Variants in ZNF611 observed in about 807,000 individuals in gnomAD.
ZNF611 encodes the protein zinc finger protein 611.
In ZNF611, 6 loss-of-function variants were observed where a neutral mutation model predicts 8.9. That is an observed-to-expected ratio of 0.68 (90% CI 0.37 to 1.34). ZNF611 has a LOEUF of 1.34. Among genes scored for constraint, ZNF611 ranks in the 40% most tolerant of loss-of-function variants. ZNF611 has a pLI of 0.02. For synonymous variants in ZNF611, 262 were observed against 279.7 expected, an observed-to-expected ratio of 0.94 and a Z score of 0.63; for missense variants, 874 against 841.3, an observed-to-expected ratio of 1.04 and a Z score of -0.48.
chr19:52,722,714 T>C (rs1177217046), intron 3 of ZNF611, among the ~76,000 whole-genome samples: 8 of 152,150 alleles, frequency 5.3e-5, no homozygotes, highest in African/African-American at 1.9e-4. Context: ...CACACACTCA[T>C]CTGTATCCAA....
At chr19:52,720,404 C>G (rs183431846) in intron 3 of ZNF611, among the ~76,000 whole-genome samples, 2 of 146,860 alleles carry the variant, frequency 1.4e-5, no homozygotes, top group South Asian at 4.2e-4. Context: ...CCAGATGGGG[C>G]GGCCGGGCAG....
intron 3 of ZNF611, among the ~76,000 whole-genome samples, chr19:52,726,405 TC>T (rs2062393679): frequency 6.6e-6 from 1 of 152,134 alleles, no homozygotes; most frequent in African/African-American, 2.4e-5. Context: ...GCGCTCTTTT[TC>T]TTTTCTTTCC....
Position 52,704,220 on chromosome 19 carries a change from A to G in ZNF611, c.*717T>C, listed in dbSNP as rs1315386844. The G allele has an allele frequency of 1.4e-5, 6 of 416,872 alleles. No individual in the cohort carries two copies. Among genetic ancestry groups the G allele is most frequent in the Non-Finnish European group, 2.9e-5 (6 of 206,612 alleles). The allele number at this position is 416,872 out of a possible 1,614,324, so 25.8% of individuals were successfully genotyped here. On this transcript the variant is annotated 3_prime_UTR_variant, in exon 6 of 6. Coordinates refer to ENST00000652185, the MANE Select transcript of ZNF611 (RefSeq NM_001161499.2). Reference sequence around the variant, plus strand: ...ACAAACTCAAGTCAATGCTGAATTGACTCCAATGTCAATTAATGCTTGATG... The same window carrying G: ...ACAAACTCAAGTCAATGCTGAATTGGCTCCAATGTCAATTAATGCTTGATG...
Position 52,705,473 on chromosome 19 carries a change from G to A in ZNF611, c.1582C>T (p.His528Tyr), listed in dbSNP as rs2147414690. 1.2e-6 allele frequency: 2 copies of A among 1,614,138 alleles called. No homozygotes were observed. The highest frequency in any genetic ancestry group is 1.7e-6 in the Non-Finnish European group (2 of 1,180,024). ...VFSRKSSLET[H>Y]KIGHTGEKPY... ...TTCTCTCCAGTATGACCTATCTTAT[G>A]TGTCTCAAGGCTTGATTTACGACTG... The change falls in exon 6 of 6, where the codon CAT becomes TAT. Residue 528 changes from histidine to tyrosine, a missense_variant. Transcript: ENST00000652185.
chr19:52,706,523 T>G lies in ZNF611; in HGVS notation c.532A>C (p.Asn178His), dbSNP rs769807879. Residue 178 changes from asparagine to histidine, a missense_variant, in exon 6 of 6, where the codon AAT becomes CAT. Asn to His is a moderately conservative substitution (Grantham distance 68, BLOSUM62 1). Coordinates refer to ENST00000652185, the MANE Select transcript of ZNF611 (RefSeq NM_001161499.2). The part of the protein sequence containing the change: ...HIFQIKGEIG[N>H]QLEKSTNDAP... ...TCATTAGTAGACTTCTCAAGTTGAT[T>G]ACCAATTTCACCTTTGATCTGAAAT... is the stretch of plus-strand genomic sequence containing the variant. 1.9e-6 allele frequency: 3 copies of G among 1,614,200 alleles called. No homozygotes were observed. The South Asian group carries it at 3.3e-5, about 18-fold the overall frequency.
At chr19:52,731,833 T>C (rs1366598143) in intron 1 of ZNF611, among the ~76,000 whole-genome samples, 1 of 151,700 alleles carries the variant, frequency 6.6e-6, no homozygotes, top group Non-Finnish European at 1.5e-5. Flanking sequence ...TAGCCGAGCG[T>C]GGTGGTGCAT....
chr19:52,733,242 A>G (rs1441274655), intron 1 of ZNF611, among the ~76,000 whole-genome samples: 3 of 152,204 alleles, frequency 2.0e-5, no homozygotes, highest in African/African-American at 7.2e-5. Context: ...ACAGAACTCA[A>G]CATGTCACAA....
chr19:52,713,888 T>C (rs1336736267), intron 5 of ZNF611, 127 bp downstream of exon 5: 23 of 1,534,006 alleles, frequency 1.5e-5, no homozygotes, highest in Admixed American at 2.1e-5. Context: ...CGAAACACCA[T>C]CTCAAAAACA....
In ZNF611 at chr19:52,703,728, A is replaced by C. The variant is rs1432077692; in HGVS notation, c.*1209T>G. On this transcript the variant is annotated 3_prime_UTR_variant, in exon 6 of 6. Coordinates refer to ENST00000652185, the MANE Select transcript of ZNF611 (RefSeq NM_001161499.2). The stretch of plus-strand genomic sequence containing the variant: ...TGCCTCAGCATCTGGAGTAGCTGGG[A>C]CTACAGGCGCCAGCCACCATGCCCA... 1 of 150,980 alleles carries C rather than the reference A, an allele frequency of 6.6e-6. No homozygotes were observed. Among genetic ancestry groups the C allele is most frequent in the East Asian group, 2.0e-4 (1 of 5,120 alleles). 9.4% of individuals were successfully genotyped at this position (150,980 alleles called of 1,614,324 possible). A position where few individuals can be genotyped will look rare whatever the true frequency, so the allele number is the denominator to read the frequency against.
At chr19:52,710,720 C>G (rs1450892459) in intron 5 of ZNF611, among the ~76,000 whole-genome samples, 2 of 152,254 alleles carry the variant, frequency 1.3e-5, no homozygotes, top group Non-Finnish European at 2.9e-5. Context: ...AAGGGGGCAT[C>G]TCATCATCAA....
intron 3 of ZNF611, among the ~76,000 whole-genome samples, chr19:52,719,454 T>C (rs139697664): frequency 0.038 from 5,750 of 152,178 alleles, 338 homozygotes; most frequent in African/African-American, 0.13. Context: ...CTGCCTCTGA[T>C]GCCATCATTA....
chr19:52,715,989 G>A, intron 3 of ZNF611, 76 bp from the exon 4 acceptor site: 2 of 1,546,226 alleles, frequency 1.3e-6, no homozygotes, highest in Non-Finnish European at 1.8e-6. Flanking sequence ...CACGAACGGG[G>A]GAGACGTCAC....
chr19:52,719,150 C>G (rs1490920816), intron 3 of ZNF611, among the ~76,000 whole-genome samples: 1 of 151,946 alleles, frequency 6.6e-6, no homozygotes, highest in African/African-American at 2.4e-5. Flanking sequence ...GCTTGCCTGA[C>G]AGAGAAAGAC....
intron 3 of ZNF611, among the ~76,000 whole-genome samples, chr19:52,728,302 G>C (rs955699615): frequency 6.6e-6 from 1 of 152,194 alleles, no homozygotes; most frequent in Non-Finnish European, 1.5e-5. Flanking sequence ...ACTCTGGAAG[G>C]CCGAGGCTGG....
At chr19:52,721,808 A>C (rs538137599) in intron 3 of ZNF611, among the ~76,000 whole-genome samples, 67 of 152,094 alleles carry the variant, frequency 4.4e-4, no homozygotes, top group Non-Finnish European at 6.2e-4. Context: ...CTTGTTGCCC[A>C]CACTGAAGTG....
chr19:52,705,888 CTTA>C lies in ZNF611; in HGVS notation c.1164_1166del (p.His388_Lys389delinsGln). 4 of 1,614,022 alleles carry C rather than the reference CTTA, an allele frequency of 2.5e-6. No individual in the cohort carries two copies. Among genetic ancestry groups the C allele is most frequent in the Non-Finnish European group, 3.4e-6 (4 of 1,179,958 alleles). On this transcript the variant is annotated inframe_deletion, in exon 6 of 6. Coordinates refer to ENST00000652185, the MANE Select transcript of ZNF611 (RefSeq NM_001161499.2). The stretch of plus-strand genomic sequence containing the variant: ...ATGGTTTCTCTCCAGTATGAATTCT[CTTA>C]TGTGTCTCAATGGTTGATTTCCGAC...
intron 4 of ZNF611, among the ~76,000 whole-genome samples, chr19:52,714,693 ACAAAACAAAACAAAAC>A (rs2062303908): frequency 1.4e-5 from 1 of 72,328 alleles, no homozygotes; most frequent in Non-Finnish European, 2.5e-5. Flanking sequence ...ATCTCAAAAA[ACAAAACAAAACAAAAC>A]AAAAAAACAA....
chr19:52,707,215 C>A (rs1365414216), intron 5 of ZNF611, among the ~76,000 whole-genome samples: 4 of 144,582 alleles, frequency 2.8e-5, no homozygotes, highest in African/African-American at 7.7e-5. Flanking sequence ...ATATACTCTT[C>A]ATATTTAAAG....
intron 3 of ZNF611, among the ~76,000 whole-genome samples, chr19:52,718,072 C>A (rs1003519648): frequency 6.6e-5 from 10 of 152,106 alleles, no homozygotes; most frequent in Non-Finnish European, 1.2e-4. Flanking sequence ...TGAGGCCAGG[C>A]ATGGTGACAC....
Sources: allele counts gnomAD v4.1 joint callset (sites outside exome capture counted in the v4.1 genomes callset), GRCh38; gene constraint gnomAD v4.1.1; transcripts MANE v1.5; gene names NCBI Gene and HGNC (gene_info 2026-07-23, HGNC 2026-07-21).